Variants in UPF2 observed in about 807,000 individuals in gnomAD.
UPF2 encodes the protein UPF2 regulator of nonsense mediated mRNA decay.
A neutral mutation model predicts 141.4 loss-of-function variants in UPF2; 17 were observed. The ratio of observed to expected loss-of-function variants is 0.12; its 90% CI spans 0.08 to 0.18. UPF2 has a LOEUF of 0.18. Ranked by LOEUF, UPF2 falls within the 10% of genes least tolerant of loss-of-function variation. The pLI is 1.00. For synonymous variants in UPF2, 540 were observed against 498.0 expected (o/e 1.08, Z -1.12); for missense variants, 1,152 against 1,515.9 (o/e 0.76, Z 3.99).
intron 8 of UPF2, among the ~76,000 whole-genome samples, chr10:11,984,308 T>C (rs1269439835): frequency 6.6e-6 from 1 of 152,188 alleles, no homozygotes; most frequent in Non-Finnish European, 1.5e-5. Context: ...TGTATATTTT[T>C]CAAAAAATTA....
At chr10:12,020,623 A>T (rs1025421975) in intron 3 of UPF2, among the ~76,000 whole-genome samples, 3 of 152,210 alleles carry the variant, frequency 2.0e-5, no homozygotes, top group Non-Finnish European at 4.4e-5. Flanking sequence ...CTATTAATAA[A>T]AGCTAACTAA....
chr10:11,929,821 A>T, intron 21 of UPF2, 44 bp downstream of exon 21: 1 of 1,600,054 alleles, frequency 6.2e-7, no homozygotes, highest in Non-Finnish European at 8.5e-7. Context: ...TCTTATGGAC[A>T]TCATGGAAAC....
chr10:11,966,639 G>A (rs1588541369), intron 10 of UPF2, among the ~76,000 whole-genome samples: 1 of 152,238 alleles, frequency 6.6e-6, no homozygotes, highest in Middle Eastern at 3.4e-3. Context: ...GGTCAGGCTG[G>A]TCTCGAACTC....
At chr10:12,036,894 G>A (rs1381312400) in intron 1 of UPF2, among the ~76,000 whole-genome samples, 3 of 152,050 alleles carry the variant, frequency 2.0e-5, no homozygotes, top group Admixed American at 6.6e-5. Flanking sequence ...GTATGGTGGC[G>A]CATGCCTGTA....
rs760567547 is a variant in UPF2, at chr10:11,948,451, T to C, written c.3092A>G (p.Glu1031Gly). ...DSMTEGENLE[E>G]DEEEEEGGAE... ...CCCACCTTCTTCTTCTTCTTCATCC[T>C]CTTCAAGATTTTCTCCTTCTGTCAT... Residue 1031 changes from glutamate (E) to glycine (G), a missense_variant, in exon 16 of 22, where the codon GAG becomes GGG. This residue lies in a region of UPF2 where 202 missense variants were observed against 223.6 expected (regional missense o/e 0.90). Coordinates refer to ENST00000357604, the MANE Select transcript of UPF2 (RefSeq NM_015542.4). The C allele has an allele frequency of 6.2e-7, 1 of 1,613,394 alleles. No homozygotes were observed. The highest frequency in any genetic ancestry group is 1.1e-5 in the South Asian group (1 of 91,072).
At position 12,033,127 on chromosome 10, in the gene UPF2, C is replaced by T. The variant is rs192052713; in HGVS notation, c.365+1932G>A. On this transcript the variant is annotated intron_variant, in intron 2 of 21. Transcript: ENST00000357604. ...GGTTTTTAAATTATATATTTGGCCA[C>T]GCAAAGTAGTGTACATCTGTAGTCC... Among the ~76,000 whole-genome samples the T allele has an allele frequency of 1.3e-4, 20 of 151,912 alleles. No individual in the cohort carries two copies. In the South Asian group the frequency reaches 1.7e-3, roughly 13 times the overall value.
At chr10:11,995,094 T>A (rs1472735771) in intron 8 of UPF2, among the ~76,000 whole-genome samples, 2 of 150,552 alleles carry the variant, frequency 1.3e-5, no homozygotes, top group African/African-American at 2.5e-5. Flanking sequence ...AGACATGAAG[T>A]GCTATAAAGA....
intron 15 of UPF2, among the ~76,000 whole-genome samples, chr10:11,951,790 G>A (rs1833078542): frequency 6.6e-6 from 1 of 152,158 alleles, no homozygotes; most frequent in Admixed American, 6.5e-5. Flanking sequence ...CTAAAAGTAA[G>A]AGAGGTAGAC....
chr10:11,966,031 A>G (rs925649547), intron 10 of UPF2, among the ~76,000 whole-genome samples: 3 of 152,216 alleles, frequency 2.0e-5, no homozygotes, highest in African/African-American at 7.2e-5. Context: ...TTACTAATTA[A>G]TTTCTACTTT....
At chr10:11,978,118 T>C (rs1399272349) in intron 9 of UPF2, among the ~76,000 whole-genome samples, 1 of 152,234 alleles carries the variant, frequency 6.6e-6, no homozygotes, top group African/African-American at 2.4e-5. Context: ...GGATTAATTT[T>C]TATTTAAACC....
chr10:11,964,234 G>C, intron 10 of UPF2, 109 bp from the exon 11 acceptor site: 13 of 691,384 alleles, frequency 1.9e-5, no homozygotes, highest in Non-Finnish European at 2.7e-5. Flanking sequence ...GTAAAAAACA[G>C]AAGTGAGTCT....
At chr10:11,952,379 T>G in intron 14 of UPF2, 130 bp from the exon 15 acceptor site, 1 of 766,112 alleles carries the variant, frequency 1.3e-6, no homozygotes, top group Non-Finnish European at 2.0e-6. Flanking sequence ...CACTTACCAT[T>G]TCTATTAATG....
At chr10:11,976,656 A>G (rs564541382) in intron 9 of UPF2, among the ~76,000 whole-genome samples, 1 of 152,322 alleles carries the variant, frequency 6.6e-6, no homozygotes, top group African/African-American at 2.4e-5. Context: ...ATAGATGTGA[A>G]TTAAAGGCCA....
chr10:11,929,172 G>A (rs1832751701), intron 21 of UPF2, among the ~76,000 whole-genome samples: 1 of 152,016 alleles, frequency 6.6e-6, no homozygotes, highest in African/African-American at 2.4e-5. Context: ...AAGAGCTTAG[G>A]AACAAACTCT....
chr10:11,965,026 G>C (rs987895883), intron 10 of UPF2, among the ~76,000 whole-genome samples: 1 of 152,150 alleles, frequency 6.6e-6, no homozygotes, highest in African/African-American at 2.4e-5. Flanking sequence ...GCCACATGAA[G>C]TCAGGTGACA....
intron 2 of UPF2, among the ~76,000 whole-genome samples, chr10:12,034,244 C>T (rs1333217288): frequency 6.6e-6 from 1 of 152,162 alleles, no homozygotes; most frequent in Non-Finnish European, 1.5e-5. Flanking sequence ...ACTCAACAAA[C>T]ATCAGCCAAC....
At chr10:12,001,073 T>TG (rs2131266062) in intron 6 of UPF2, among the ~76,000 whole-genome samples, 1 of 152,310 alleles carries the variant, frequency 6.6e-6, no homozygotes, top group South Asian at 2.1e-4. Flanking sequence ...CAGAAAAGTG[T>TG]AAGTATCTTT....
chr10:11,947,141 A>G (rs1833011037), intron 16 of UPF2, among the ~76,000 whole-genome samples: 1 of 152,136 alleles, frequency 6.6e-6, no homozygotes, highest in Non-Finnish European at 1.5e-5. Flanking sequence ...GGTGGAGACT[A>G]CGGTGAGCCG....
rs757293206 is a variant in UPF2, at chr10:11,955,460, G to A, written c.2622C>T (p.Phe874=). The A allele has an allele frequency of 6.2e-7, 1 of 1,614,070 alleles. No individual in the cohort carries two copies. Among genetic ancestry groups the A allele is most frequent in the Non-Finnish European group, 8.5e-7 (1 of 1,180,008 alleles). The change falls in exon 14 of 22, where the codon TTC becomes TTT. Residue 874 remains phenylalanine (F), a synonymous_variant. Transcript: ENST00000357604. ...FNQRRISSAK[F]LGELYNYRMV... Reference sequence around the variant, plus strand: ...TTCGGTAATTGTAAAGTTCTCCTAAGAACTTGGCACTGCTGATGCGCCTCT... The same window carrying A: ...TTCGGTAATTGTAAAGTTCTCCTAAAAACTTGGCACTGCTGATGCGCCTCT...
Sources: gnomAD v4.1 joint callset for allele counts (sites outside exome capture counted in the v4.1 genomes callset) on GRCh38, gnomAD v4.1.1 for gene constraint, gnomAD v4.1.1 regional missense constraint, MANE v1.5 for transcripts, NCBI Gene and HGNC (gene_info 2026-07-23, HGNC 2026-07-21) for gene names.